Variants in CHST9 observed in about 807,000 individuals in gnomAD.
CHST9 encodes the protein carbohydrate sulfotransferase 9.
CHST9 carries 41 observed loss-of-function variants against 44.4 expected under a neutral mutation model. The ratio of observed to expected loss-of-function variants is 0.92; its 90% CI spans 0.72 to 1.20. The LOEUF (loss-of-function observed/expected upper bound fraction) is 1.20, where lower values mean the gene tolerates loss of function less well. Ranked by LOEUF, CHST9 falls within the 50% of genes most tolerant of loss-of-function variation. CHST9 has a pLI of 0.00. For synonymous variants in CHST9, 171 were observed against 178.4 expected (o/e 0.96, Z 0.33); for missense variants, 504 against 516.5 (o/e 0.98, Z 0.23).
chr18:27,001,513 G>C (rs1327678924), intron 4 of CHST9, among the ~76,000 whole-genome samples: 1 of 152,164 alleles, frequency 6.6e-6, no homozygotes, highest in East Asian at 1.9e-4. Flanking sequence ...TTTGGATGTG[G>C]AACTAGTTAA....
chr18:27,025,726 A>C (rs2057278385), intron 3 of CHST9, among the ~76,000 whole-genome samples: 1 of 152,116 alleles, frequency 6.6e-6, no homozygotes, highest in Admixed American at 6.5e-5. Context: ...TGGATATGTA[A>C]TGCATTGCTC....
intron 2 of CHST9, among the ~76,000 whole-genome samples, chr18:27,080,801 C>A (rs2143679948): frequency 6.6e-6 from 1 of 152,238 alleles, no homozygotes; most frequent in Admixed American, 6.5e-5. Context: ...GGTAACCAGG[C>A]AAATGGTCAT....
intron 4 of CHST9, among the ~76,000 whole-genome samples, chr18:26,950,470 C>A (rs187243235): frequency 2.4e-3 from 364 of 152,192 alleles, no homozygotes; most frequent in Middle Eastern, 3.4e-3. Flanking sequence ...TAGAACCAAC[C>A]TAAATGCCCA....
chr18:27,122,464 T>C (rs1432900864), intron 2 of CHST9, among the ~76,000 whole-genome samples: 1 of 152,240 alleles, frequency 6.6e-6, no homozygotes, highest in Non-Finnish European at 1.5e-5. Context: ...ATCAGCCTTG[T>C]ACATGTAGAA....
intron 4 of CHST9, among the ~76,000 whole-genome samples, chr18:26,983,570 G>C (rs2056719263): frequency 6.6e-6 from 1 of 152,188 alleles, no homozygotes; most frequent in African/African-American, 2.4e-5. Flanking sequence ...ATAGCCTGCA[G>C]AGCCATGGGT....
At chr18:27,083,316 T>G (rs2057978573) in intron 2 of CHST9, among the ~76,000 whole-genome samples, 1 of 152,180 alleles carries the variant, frequency 6.6e-6, no homozygotes, top group South Asian at 2.1e-4. Context: ...TTATACTTTA[T>G]GTTGCCATTA....
chr18:26,916,125 G>T lies in CHST9; in HGVS notation c.*134C>A. ...TGTGCCAATTGGTGTCATACTATTT[G>T]GTAAAAATCTACATTAAATCAAGAC... On this transcript the variant is annotated 3_prime_UTR_variant, in exon 6 of 6. Coordinates refer to ENST00000618847, the MANE Select transcript of CHST9 (RefSeq NM_031422.6). The T allele has an allele frequency of 1.4e-6, 1 of 719,644 alleles. No individual in the cohort carries two copies. Among genetic ancestry groups the T allele is most frequent in the Non-Finnish European group, 2.3e-6 (1 of 442,298 alleles). 44.6% of individuals were successfully genotyped at this position (719,644 alleles called of 1,614,324 possible). A position where few individuals can be genotyped will look rare whatever the true frequency, so the allele number is the denominator to read the frequency against.
chr18:26,914,583 TA>T lies in CHST9; in HGVS notation c.*1675del, dbSNP rs909340392. ...AAGAGTTAATGGCATGGAAAAGTAG[TA>T]AAAGGTTGGATTAGAAGGTTTAATA... is the stretch of plus-strand genomic sequence containing the variant. On this transcript the variant is annotated 3_prime_UTR_variant, in exon 6 of 6. Coordinates refer to ENST00000618847, the MANE Select transcript of CHST9 (RefSeq NM_031422.6). 4.2e-4 allele frequency: 88 copies of T among 207,292 alleles called. 3 individuals carry two copies. Among genetic ancestry groups the T allele is most frequent in the Non-Finnish European group, 1.4e-4 (15 of 104,938 alleles). The allele number at this position is 207,292 out of a possible 1,614,324, so 12.8% of individuals were successfully genotyped here.
intron 1 of CHST9, among the ~76,000 whole-genome samples, chr18:27,161,542 A>T (rs554111109): frequency 6.6e-6 from 1 of 152,166 alleles, no homozygotes; most frequent in African/African-American, 2.4e-5. Context: ...TAAGTGGTCA[A>T]TTTTGGAATA....
At chr18:27,079,910 A>G (rs2057943871) in intron 2 of CHST9, among the ~76,000 whole-genome samples, 1 of 152,182 alleles carries the variant, frequency 6.6e-6, no homozygotes, top group Non-Finnish European at 1.5e-5. Context: ...CCTTGTGATG[A>G]CATGGAGTCC....
intron 5 of CHST9, among the ~76,000 whole-genome samples, chr18:26,942,344 A>C (rs183651965): frequency 6.6e-6 from 1 of 152,316 alleles, no homozygotes; most frequent in East Asian, 1.9e-4. Flanking sequence ...GCAATGATTG[A>C]AGGAGACGAC....
intron 2 of CHST9, among the ~76,000 whole-genome samples, chr18:27,053,623 C>A (rs2057615423): frequency 6.6e-6 from 1 of 152,110 alleles, no homozygotes; most frequent in South Asian, 2.1e-4. Flanking sequence ...TCATTGTAAT[C>A]CAATCACTCC....
intron 4 of CHST9, among the ~76,000 whole-genome samples, chr18:26,979,235 C>A (rs2056662641): frequency 6.6e-6 from 1 of 151,966 alleles, no homozygotes; most frequent in South Asian, 2.1e-4. Context: ...TTTCGTTTTA[C>A]AAATAATAAT....
At chr18:27,035,764 T>C (rs965912670) in intron 3 of CHST9, among the ~76,000 whole-genome samples, 1 of 152,130 alleles carries the variant, frequency 6.6e-6, no homozygotes, top group South Asian at 2.1e-4. Context: ...CTCATAGATA[T>C]AATTATGCAA....
At chr18:27,167,206 G>A (rs1362688246) in intron 1 of CHST9, among the ~76,000 whole-genome samples, 1 of 152,184 alleles carries the variant, frequency 6.6e-6, no homozygotes, top group African/African-American at 2.4e-5. Flanking sequence ...ACTCACCATA[G>A]TCAATTTGCC....
chr18:27,076,564 T>C (rs1568162571), intron 2 of CHST9, among the ~76,000 whole-genome samples: 2 of 152,152 alleles, frequency 1.3e-5, no homozygotes, highest in South Asian at 2.1e-4. Context: ...CGTGAGCCTA[T>C]ACTTCCCTAC....
intron 3 of CHST9, among the ~76,000 whole-genome samples, chr18:27,045,095 A>G (rs576598152): frequency 2.6e-5 from 4 of 151,824 alleles, no homozygotes; most frequent in African/African-American, 9.7e-5. Flanking sequence ...CTTTTTGCAA[A>G]TGATGTAAAT....
At chr18:26,980,285 T>G (rs2056676020) in intron 4 of CHST9, among the ~76,000 whole-genome samples, 2 of 152,136 alleles carry the variant, frequency 1.3e-5, no homozygotes, top group African/African-American at 2.4e-5. Flanking sequence ...AATAAATTAT[T>G]ACAATCCCTA....
chr18:26,937,085 C>G (rs1196899426), intron 5 of CHST9, among the ~76,000 whole-genome samples: 3 of 152,076 alleles, frequency 2.0e-5, no homozygotes, highest in African/African-American at 7.2e-5. Context: ...TTCAAATTCT[C>G]TTTTTATTTC....
Sources: gnomAD v4.1 joint callset for allele counts (sites outside exome capture counted in the v4.1 genomes callset) on GRCh38, gnomAD v4.1.1 for gene constraint, MANE v1.5 for transcripts, NCBI Gene and HGNC (gene_info 2026-07-23, HGNC 2026-07-21) for gene names.